CFAP61: variants seen among roughly 807,000 people sequenced by gnomAD.
CFAP61 encodes the protein cilia and flagella associated protein 61.
CFAP61 carries 107 observed loss-of-function variants against 135.6 expected under a neutral mutation model. The observed-to-expected ratio is 0.79, with a 90% CI of 0.67 to 0.93. CFAP61 has a LOEUF of 0.93. Ranked by LOEUF, CFAP61 falls within the 40% of genes least tolerant of loss-of-function variation. CFAP61 has a pLI of 0.00. For synonymous variants in CFAP61, 575 were observed against 578.5 expected, an observed-to-expected ratio of 0.99 and a Z score of 0.09; for missense variants, 1,507 against 1,556.2, an observed-to-expected ratio of 0.97 and a Z score of 0.53.
chr20:20,258,771 G>C (rs918510711), intron 20 of CFAP61, among the ~76,000 whole-genome samples: 1 of 152,170 alleles, frequency 6.6e-6, no homozygotes, highest in Non-Finnish European at 1.5e-5. Context: ...CCTGACTGCC[G>C]TTGAATGTTT....
In CFAP61 at chr20:20,288,650, G is replaced by T; in HGVS notation, c.2838G>T (p.Thr946=). The change falls in exon 23 of 27, where the codon ACG becomes ACT. Residue 946 remains threonine, a synonymous_variant. Transcript: ENST00000245957. The part of the protein sequence containing the change: ...SFCEKNVDYE[T]FKALNDACLV... ...GTGAGAAGAATGTGGATTATGAAACGTTTAAAGCCCTCAATGATGCATGTC... is the reference window on the plus strand; with the variant it reads ...GTGAGAAGAATGTGGATTATGAAACTTTTAAAGCCCTCAATGATGCATGTC... 1 of 1,614,090 alleles carries T rather than the reference G, an allele frequency of 6.2e-7. No homozygotes were observed. The highest frequency in any genetic ancestry group is 8.5e-7 in the Non-Finnish European group (1 of 1,179,972).
At chr20:20,289,369 T>C (rs6081949) in intron 23 of CFAP61, among the ~76,000 whole-genome samples, 67,561 of 152,124 alleles carry the variant, frequency 0.44, 15,309 homozygotes, top group South Asian at 0.53. Flanking sequence ...CTTAACCATT[T>C]GCAGCTGTAA....
intron 25 of CFAP61, among the ~76,000 whole-genome samples, chr20:20,305,847 C>T (rs1487791292): frequency 6.6e-6 from 1 of 152,190 alleles, no homozygotes; most frequent in Non-Finnish European, 1.5e-5. Context: ...TCCTCATTGA[C>T]CATGCCTTGG....
intron 20 of CFAP61, among the ~76,000 whole-genome samples, chr20:20,261,795 C>T (rs1401136737): frequency 2.0e-5 from 3 of 151,996 alleles, no homozygotes; most frequent in South Asian, 4.2e-4. Context: ...TGGCTGAAAT[C>T]TCTGGCCCAA....
chr20:20,341,537 C>T (rs2058444666), intron 25 of CFAP61, among the ~76,000 whole-genome samples: 1 of 152,198 alleles, frequency 6.6e-6, no homozygotes, highest in Non-Finnish European at 1.5e-5. Flanking sequence ...ATAATGGAGA[C>T]ACCGTTCTTT....
chr20:20,233,124 G>A (rs370142103), intron 18 of CFAP61, among the ~76,000 whole-genome samples: 1 of 152,174 alleles, frequency 6.6e-6, no homozygotes, highest in East Asian at 1.9e-4. Context: ...TCCTGTTATC[G>A]GGCCGTGCAG....
At chr20:20,223,512 A>G (rs746138135) in intron 17 of CFAP61, among the ~76,000 whole-genome samples, 2 of 152,212 alleles carry the variant, frequency 1.3e-5, no homozygotes, top group Non-Finnish European at 2.9e-5. Flanking sequence ...TGTATTATGT[A>G]GGATCATTTG....
chr20:20,096,977 C>T (rs2047621905), intron 7 of CFAP61, among the ~76,000 whole-genome samples: 1 of 152,112 alleles, frequency 6.6e-6, no homozygotes, highest in African/African-American at 2.4e-5. Flanking sequence ...AAATTCCCCT[C>T]ATATTTCAGT....
intron 6 of CFAP61, among the ~76,000 whole-genome samples, chr20:20,083,908 C>T (rs2046609548): frequency 6.6e-6 from 1 of 152,138 alleles, no homozygotes; most frequent in Non-Finnish European, 1.5e-5. Context: ...GGACTAGAAG[C>T]TAAATGACTC....
At chr20:20,170,210 G>A (rs2054125985) in intron 13 of CFAP61, among the ~76,000 whole-genome samples, 1 of 152,164 alleles carries the variant, frequency 6.6e-6, no homozygotes, top group Non-Finnish European at 1.5e-5. Context: ...AGTGAAGATT[G>A]ACCTTTATCC....
rs536876574 is a variant in CFAP61 at position 20,091,246 on chromosome 20, C to G, written c.699+270C>G. Among the ~76,000 whole-genome samples, 164 of 152,316 alleles carry G rather than the reference C, an allele frequency of 1.1e-3. 1 individual carries two copies. Among genetic ancestry groups the G allele is most frequent in the Non-Finnish European group, 1.0e-4 (7 of 68,020 alleles). On this transcript the variant is annotated intron_variant, in intron 7 of 26. Coordinates refer to ENST00000245957, the MANE Select transcript of CFAP61 (RefSeq NM_015585.4). ...GTGAGAGGGAATGGAAAAGACCCCC[C>G]AGGGGTGCGTAGGGGGATTTCTGAG...
intron 21 of CFAP61, among the ~76,000 whole-genome samples, chr20:20,264,604 A>G (rs1050747891): frequency 2.6e-5 from 4 of 152,178 alleles, no homozygotes; most frequent in African/African-American, 9.7e-5. Context: ...TCTCTAATCC[A>G]TGGGTTGGTG....
At position 20,246,177 on chromosome 20, in the gene CFAP61, A is replaced by T. The variant is rs758169803; in HGVS notation, c.2121A>T (p.Lys707Asn). 7 of 1,613,814 alleles carry T rather than the reference A, an allele frequency of 4.3e-6. No homozygotes were observed. The Admixed American group carries it at 1.0e-4, about 23-fold the overall frequency. The change falls in exon 19 of 27, where the codon AAA (lysine) becomes AAT (asparagine). Residue 707 changes from lysine to asparagine, a missense_variant. Transcript: ENST00000245957. Reference sequence around the variant, plus strand: ...CAACTCATGGACTCCCAGGAAAAAAACTTCTGGACACTGAACAAAGGAAAT... The same window carrying T: ...CAACTCATGGACTCCCAGGAAAAAATCTTCTGGACACTGAACAAAGGAAAT... ...LISTHGLPGKKLLDTEQRKFL... is the reference protein window; with the variant it reads ...LISTHGLPGKNLLDTEQRKFL...
chr20:20,162,184 A>G (rs2053458152), intron 10 of CFAP61, among the ~76,000 whole-genome samples: 1 of 152,060 alleles, frequency 6.6e-6, no homozygotes, highest in Admixed American at 6.6e-5. Context: ...TCTGACTCAG[A>G]CCTGCTGCCT....
chr20:20,322,799 T>A, intron 25 of CFAP61: 1 of 985,416 alleles, frequency 1.0e-6, no homozygotes, highest in Non-Finnish European at 1.2e-6. Flanking sequence ...TTTGCTATCA[T>A]GTTATTAATA....
At chr20:20,135,005 A>G (rs1386297484) in intron 8 of CFAP61, among the ~76,000 whole-genome samples, 2 of 151,976 alleles carry the variant, frequency 1.3e-5, no homozygotes, top group Admixed American at 1.3e-4. Flanking sequence ...AGTTGTGATT[A>G]AAGATCTTGA....
chr20:20,205,496 C>T (rs999955509), intron 17 of CFAP61, among the ~76,000 whole-genome samples: 8 of 152,328 alleles, frequency 5.3e-5, no homozygotes, highest in African/African-American at 1.2e-4. Context: ...GATAGGAAAA[C>T]CAAACTACAG....
chr20:20,299,924 C>T (rs2424334), intron 25 of CFAP61, among the ~76,000 whole-genome samples: 108,993 of 152,172 alleles, frequency 0.72, 39,446 homozygotes, highest in African/African-American at 0.82. Flanking sequence ...GGAACATGCA[C>T]GTCTTCAACT....
chr20:20,289,418 A>G (rs2054842142), intron 23 of CFAP61, among the ~76,000 whole-genome samples: 1 of 152,164 alleles, frequency 6.6e-6, no homozygotes, highest in Admixed American at 6.5e-5. Flanking sequence ...TCTGACCCCT[A>G]AGGAGGAGAT....
Sources: allele counts gnomAD v4.1 joint callset (sites outside exome capture counted in the v4.1 genomes callset), GRCh38; gene constraint gnomAD v4.1.1; transcripts MANE v1.5; gene names NCBI Gene and HGNC (gene_info 2026-07-23, HGNC 2026-07-21).